NRXN3: variants seen among roughly 807,000 people sequenced by gnomAD.
The protein encoded by NRXN3 is neurexin III.
Under a neutral mutation model 137.6 loss-of-function variants are expected in NRXN3, and 32 were observed. That is an observed-to-expected ratio of 0.23 (90% CI 0.18 to 0.31). NRXN3 has a LOEUF of 0.31. Among genes scored for constraint, NRXN3 ranks in the 10% least tolerant of loss-of-function variants. The probability of loss-of-function intolerance (pLI) is 1.00; values close to 1 mark genes in which losing one functional copy is unlikely to be tolerated. For synonymous variants in NRXN3, 798 were observed against 784.5 expected, an observed-to-expected ratio of 1.02 and a Z score of -0.29; for missense variants, 1,574 against 2,062.5, an observed-to-expected ratio of 0.76 and a Z score of 4.59.
At chr14:79,813,750 T>C (rs1467365283) in intron 20 of NRXN3, among the ~76,000 whole-genome samples, 1 of 152,194 alleles carries the variant, frequency 6.6e-6, no homozygotes, top group Non-Finnish European at 1.5e-5. Context: ...TTCTTTCCTT[T>C]TGATTTACCC....
chr14:79,284,196 A>G (rs1263174579), intron 15 of NRXN3, among the ~76,000 whole-genome samples: 1 of 149,280 alleles, frequency 6.7e-6, no homozygotes, highest in Non-Finnish European at 1.5e-5. Context: ...AGGTCATTGG[A>G]CCTTTAAGAA....
At chr14:79,766,820 G>T (rs1004013941) in intron 19 of NRXN3, among the ~76,000 whole-genome samples, 1 of 152,194 alleles carries the variant, frequency 6.6e-6, no homozygotes, top group Non-Finnish European at 1.5e-5. Context: ...GAAGGGCATG[G>T]TTGGCAGAGA....
intron 4 of NRXN3, among the ~76,000 whole-genome samples, chr14:78,636,960 A>C (rs914387641): frequency 6.6e-6 from 1 of 152,018 alleles, no homozygotes; most frequent in Non-Finnish European, 1.5e-5. Flanking sequence ...CAATTGGCTC[A>C]TGTTCTGTGT....
At chr14:79,304,329 G>A (rs2085664843) in intron 15 of NRXN3, among the ~76,000 whole-genome samples, 1 of 152,024 alleles carries the variant, frequency 6.6e-6, no homozygotes. Flanking sequence ...TGGTCTAAGA[G>A]GTTGTGGTGT....
intron 16 of NRXN3, among the ~76,000 whole-genome samples, chr14:79,481,779 G>A (rs1202853462): frequency 6.6e-6 from 1 of 152,142 alleles, no homozygotes; most frequent in Non-Finnish European, 1.5e-5. Context: ...TTGGAGGCTA[G>A]GGTTTTTCCA....
At chr14:78,773,319 A>G (rs1420968879) in intron 8 of NRXN3, among the ~76,000 whole-genome samples, 1 of 152,116 alleles carries the variant, frequency 6.6e-6, no homozygotes, top group Non-Finnish European at 1.5e-5. Flanking sequence ...TTGATATTGA[A>G]TGTGGCAGGA....
At chr14:78,285,303 C>G (rs2075019901) in intron 3 of NRXN3, among the ~76,000 whole-genome samples, 1 of 152,090 alleles carries the variant, frequency 6.6e-6, no homozygotes, top group Admixed American at 6.5e-5. Flanking sequence ...ACTTGCTTTT[C>G]TTCCTTATTA....
intron 7 of NRXN3, among the ~76,000 whole-genome samples, chr14:78,712,935 C>A (rs1252505212): frequency 6.6e-6 from 1 of 152,198 alleles, no homozygotes; most frequent in African/African-American, 2.4e-5. Flanking sequence ...GTTATATACC[C>A]TTCATAACTG....
At chr14:79,038,568 T>C (rs2152521468) in intron 15 of NRXN3, among the ~76,000 whole-genome samples, 1 of 152,236 alleles carries the variant, frequency 6.6e-6, no homozygotes. Flanking sequence ...AATTTCTGAG[T>C]TTACTTCTAA....
At chr14:78,200,354 T>C (rs890950782) in intron 1 of NRXN3, among the ~76,000 whole-genome samples, 2 of 152,150 alleles carry the variant, frequency 1.3e-5, no homozygotes, top group Admixed American at 1.3e-4. Context: ...AATGTGCAAC[T>C]TGGGGGATGG....
At chr14:79,370,280 T>A (rs2094049928) in intron 15 of NRXN3, among the ~76,000 whole-genome samples, 1 of 151,696 alleles carries the variant, frequency 6.6e-6, no homozygotes, top group Admixed American at 6.6e-5. Context: ...CCAGCTAAAG[T>A]TTATCGGGTT....
intron 4 of NRXN3, among the ~76,000 whole-genome samples, chr14:78,621,850 G>A (rs192762311): frequency 6.6e-6 from 1 of 152,270 alleles, no homozygotes; most frequent in Non-Finnish European, 1.5e-5. Flanking sequence ...TGGACATTTG[G>A]ATTTGTGACA....
rs541175162 is a variant in NRXN3 at position 78,317,019 on chromosome 14, A to T, written c.757+19159A>T. ...GATGATTGTTATGAGGAACTGGCTC[A>T]CGTGATTAGGGAAGCTGAGAAGTCT... On this transcript the variant is annotated intron_variant, in intron 4 of 20. Transcript: ENST00000335750. Among the ~76,000 whole-genome samples the T allele has an allele frequency of 6.6e-5, 10 of 152,278 alleles. No homozygotes were observed. In the South Asian group the frequency reaches 1.9e-3, roughly 28 times the overall value.
At chr14:78,405,618 G>GGC (rs1555510787) in intron 4 of NRXN3, among the ~76,000 whole-genome samples, 5 of 142,752 alleles carry the variant, frequency 3.5e-5, no homozygotes, top group African/African-American at 1.3e-4. Flanking sequence ...AGGGGCGGGG[G>GGC]GGTTCCGGGT....
At chr14:78,649,638 TTACA>T (rs749603711) in intron 5 of NRXN3, among the ~76,000 whole-genome samples, 4 of 151,736 alleles carry the variant, frequency 2.6e-5, no homozygotes, top group Non-Finnish European at 4.4e-5. Context: ...AACTTCCAAG[TTACA>T]TACTAGGGAC....
rs540895304 is a variant in NRXN3 at position 79,218,113 on chromosome 14, A to C, written c.3262+229972A>C. Among the ~76,000 whole-genome samples the C allele has an allele frequency of 2.6e-4, 39 of 152,276 alleles. 1 individual carries two copies. Among genetic ancestry groups the C allele is most frequent in the African/African-American group, 7.7e-4 (32 of 41,564 alleles). On this transcript the variant is annotated intron_variant, in intron 15 of 20. Transcript: ENST00000335750. ...AAATATTGACCCCATAATTGTTCCA[A>C]TTTTGACTTCTAAGAATGTAGAATA...
intron 15 of NRXN3, among the ~76,000 whole-genome samples, chr14:79,101,461 G>T (rs942554355): frequency 6.6e-6 from 1 of 152,194 alleles, no homozygotes; most frequent in African/African-American, 2.4e-5. Context: ...GGATGAGGAT[G>T]GTTCTTCAGT....
At chr14:78,624,873 G>A (rs970699672) in intron 4 of NRXN3, among the ~76,000 whole-genome samples, 3 of 151,602 alleles carry the variant, frequency 2.0e-5, no homozygotes, top group Admixed American at 6.6e-5. Flanking sequence ...AAGGAGTCTC[G>A]CTGTGTCACC....
intron 16 of NRXN3, among the ~76,000 whole-genome samples, chr14:79,588,616 C>A (rs967607138): frequency 3.3e-5 from 5 of 152,190 alleles, no homozygotes; most frequent in African/African-American, 9.7e-5. Context: ...GTAAAGTTGA[C>A]AGCCCTGATT....
Sources: gnomAD v4.1 joint callset for allele counts (sites outside exome capture counted in the v4.1 genomes callset) on GRCh38, gnomAD v4.1.1 for gene constraint, MANE v1.5 for transcripts, NCBI Gene and HGNC (gene_info 2026-07-23, HGNC 2026-07-21) for gene names.